PXDNL: variants seen among roughly 807,000 people sequenced by gnomAD.
PXDNL encodes the protein probable oxidoreductase PXDNL.
A neutral mutation model predicts 150.8 loss-of-function variants in PXDNL; 145 were observed. That is an observed-to-expected ratio of 0.96 (90% confidence interval 0.84 to 1.10). The LOEUF (loss-of-function observed/expected upper bound fraction) is 1.10, where lower values mean the gene tolerates loss of function less well. Among genes scored for constraint, PXDNL ranks in the 50% least tolerant of loss-of-function variants. The probability of loss-of-function intolerance (pLI) is 0.00; values close to 1 mark genes in which losing one functional copy is unlikely to be tolerated. For missense variants in PXDNL, 2,087 were observed against 1,873.9 expected (o/e 1.11, Z -2.10); for synonymous variants, 757 against 725.7 (o/e 1.04, Z -0.69).
chr8:51,342,539 A>G (rs112520832), intron 20 of PXDNL, among the ~76,000 whole-genome samples: 1 of 151,920 alleles, frequency 6.6e-6, no homozygotes, highest in African/African-American at 2.4e-5. Flanking sequence ...ATCTCTGAAA[A>G]CACACAATAT....
intron 1 of PXDNL, among the ~76,000 whole-genome samples, chr8:51,799,138 C>T (rs929160108): frequency 6.6e-6 from 1 of 152,122 alleles, no homozygotes; most frequent in East Asian, 1.9e-4. Context: ...AATACAGGAA[C>T]AGAACACCAT....
chr8:51,675,535 C>G (rs1210729585), intron 1 of PXDNL, among the ~76,000 whole-genome samples: 1 of 152,034 alleles, frequency 6.6e-6, no homozygotes, highest in Non-Finnish European at 1.5e-5. Flanking sequence ...TGGCTCACAC[C>G]TGTAATCCCA....
chr8:51,702,784 G>A (rs1289568527), intron 1 of PXDNL, among the ~76,000 whole-genome samples: 1 of 152,006 alleles, frequency 6.6e-6, no homozygotes, highest in Non-Finnish European at 1.5e-5. Flanking sequence ...TTTGGTCTAA[G>A]TACATCAATG....
At chr8:51,603,759 T>C (rs1474150320) in intron 2 of PXDNL, among the ~76,000 whole-genome samples, 1 of 152,110 alleles carries the variant, frequency 6.6e-6, no homozygotes, top group East Asian at 1.9e-4. Context: ...ATGATGATAA[T>C]GGACATTCTT....
chr8:51,761,025 A>ATTTTTTTTTTTTTT (rs71237238), intron 1 of PXDNL, among the ~76,000 whole-genome samples: 3 of 114,492 alleles, frequency 2.6e-5, no homozygotes, highest in Non-Finnish European at 5.2e-5. Flanking sequence ...CGCCCGGCTA[A>ATTTTTTTTTTTTTT]TTTTTTTTTT....
At chr8:51,342,369 G>A (rs923686197) in intron 20 of PXDNL, among the ~76,000 whole-genome samples, 2 of 151,708 alleles carry the variant, frequency 1.3e-5, no homozygotes, top group Admixed American at 6.6e-5. Context: ...TTACAAATAG[G>A]TTTTTTCCAT....
chr8:51,659,982 C>T (rs901920253), intron 1 of PXDNL, among the ~76,000 whole-genome samples: 9 of 151,816 alleles, frequency 5.9e-5, no homozygotes, highest in African/African-American at 9.7e-5. Flanking sequence ...CCTCCACCTC[C>T]GAGTTCAAGC....
chr8:51,388,512 G>A (rs1807796128), intron 17 of PXDNL, among the ~76,000 whole-genome samples: 1 of 152,130 alleles, frequency 6.6e-6, no homozygotes, highest in African/African-American at 2.4e-5. Context: ...GACTGATACA[G>A]GTTTCAAATA....
chr8:51,531,918 C>A (rs977081077), intron 4 of PXDNL, among the ~76,000 whole-genome samples: 1 of 152,244 alleles, frequency 6.6e-6, no homozygotes. Flanking sequence ...CCACCGTCAT[C>A]ATCCACATTC....
intron 21 of PXDNL, among the ~76,000 whole-genome samples, chr8:51,328,040 G>A (rs1045672120): frequency 6.6e-6 from 1 of 152,186 alleles, no homozygotes; most frequent in Admixed American, 6.5e-5. Context: ...GTGAATTCTG[G>A]GTAAAGCAGA....
intron 1 of PXDNL, among the ~76,000 whole-genome samples, chr8:51,699,290 G>A (rs890469017): frequency 1.3e-5 from 2 of 152,142 alleles, no homozygotes; most frequent in Admixed American, 6.5e-5. Flanking sequence ...ATAACTCGAT[G>A]CTAAGCACTT....
intron 1 of PXDNL, among the ~76,000 whole-genome samples, chr8:51,787,924 C>A (rs2129253499): frequency 6.6e-6 from 1 of 152,298 alleles, no homozygotes; most frequent in African/African-American, 2.4e-5. Context: ...CAGCAACCAC[C>A]ATCCTGATCA....
At chr8:51,463,337 T>C (rs977515607) in intron 8 of PXDNL, among the ~76,000 whole-genome samples, 4 of 152,132 alleles carry the variant, frequency 2.6e-5, no homozygotes, top group Admixed American at 1.3e-4. Context: ...GAGTGGCAAG[T>C]TGGATTTTTA....
rs1318374291 is a variant in PXDNL at position 51,453,599 on chromosome 8, T to C, written c.1169A>G (p.Gln390Arg). Residue 390 changes from glutamine to arginine, a missense_variant, in exon 10 of 23, where the codon CAA (glutamine) becomes CGA (arginine). Transcript: ENST00000356297. ...ACAGGTAAATCGACCATGATCCCGT[T>C]GTGTGATGTTCTGTAAGTAAAGTCC... ...SSGLYLQNIT[Q>R]RDHGRFTCHA... 1.9e-6 allele frequency: 3 copies of C among 1,614,032 alleles called. No individual in the cohort carries two copies. In the South Asian group the frequency reaches 3.3e-5, roughly 18 times the overall value.
chr8:51,720,026 C>G (rs1816696854), intron 1 of PXDNL, among the ~76,000 whole-genome samples: 1 of 151,996 alleles, frequency 6.6e-6, no homozygotes, highest in African/African-American at 2.4e-5. Flanking sequence ...TCAGCTAGGC[C>G]TGAAGCAGGG....
At chr8:51,565,935 C>T (rs1812819707) in intron 3 of PXDNL, among the ~76,000 whole-genome samples, 1 of 151,880 alleles carries the variant, frequency 6.6e-6, no homozygotes, top group South Asian at 2.1e-4. Flanking sequence ...TTATATTAGC[C>T]ATAGGGGTTT....
chr8:51,538,779 AAATT>A (rs1270958210), intron 4 of PXDNL, among the ~76,000 whole-genome samples: 2 of 152,068 alleles, frequency 1.3e-5, no homozygotes, highest in Admixed American at 1.3e-4. Flanking sequence ...ATAAATAAAT[AAATT>A]AATTAATTAA....
intron 4 of PXDNL, among the ~76,000 whole-genome samples, chr8:51,552,691 G>A (rs1812519162): frequency 6.6e-6 from 1 of 152,132 alleles, no homozygotes; most frequent in Non-Finnish European, 1.5e-5. Context: ...GATGGAAGCG[G>A]GGGTGAGGGA....
chr8:51,399,055 C>T (rs1224095104), intron 17 of PXDNL, among the ~76,000 whole-genome samples: 1 of 151,986 alleles, frequency 6.6e-6, no homozygotes, highest in Non-Finnish European at 1.5e-5. Flanking sequence ...CAAGAAAAAT[C>T]AATAGAATAT....
Sources: gnomAD v4.1 joint callset for allele counts (sites outside exome capture counted in the v4.1 genomes callset) on GRCh38, gnomAD v4.1.1 for gene constraint, MANE v1.5 for transcripts, NCBI Gene and HGNC (gene_info 2026-07-23, HGNC 2026-07-21) for gene names.